KLF12: variants seen among roughly 807,000 people sequenced by gnomAD.
KLF12 encodes the protein Krueppel-like factor 12.
In KLF12, 9 loss-of-function variants were observed where a neutral mutation model predicts 37.8. The ratio of observed to expected loss-of-function variants is 0.24; its 90% CI spans 0.14 to 0.42. The LOEUF (loss-of-function observed/expected upper bound fraction) is 0.42, where lower values mean the gene tolerates loss of function less well. Ranked by LOEUF, KLF12 falls within the 10% of genes least tolerant of loss-of-function variation. The probability of loss-of-function intolerance (pLI) is 1.00; values close to 1 mark genes in which losing one functional copy is unlikely to be tolerated. For synonymous variants in KLF12, 208 were observed against 202.1 expected, an observed-to-expected ratio of 1.03 and a Z score of -0.25; for missense variants, 411 against 516.0, an observed-to-expected ratio of 0.80 and a Z score of 1.97.
chr13:74,125,155 AT>A (rs201711790), intron 1 of KLF12, among the ~76,000 whole-genome samples: 52 of 140,254 alleles, frequency 3.7e-4, no homozygotes, highest in African/African-American at 7.1e-4. Context: ...AAAAAAAAAA[AT>A]ATATATATAT....
At chr13:74,062,361 A>T (rs1343992703) in intron 1 of KLF12, among the ~76,000 whole-genome samples, 2 of 152,172 alleles carry the variant, frequency 1.3e-5, no homozygotes, top group African/African-American at 4.8e-5. Context: ...CTCTAAAGGG[A>T]TGAAGCTGTG....
chr13:74,240,678 C>T, the KLF12 span, among the ~76,000 whole-genome samples: 2 of 116,024 alleles, frequency 1.7e-5, no homozygotes, highest in South Asian at 3.4e-4. Flanking sequence ...TCCCTTCTCG[C>T]TTCATTTCAT....
chr13:74,251,098 C>T, the KLF12 span, among the ~76,000 whole-genome samples: 14 of 152,090 alleles, frequency 9.2e-5, no homozygotes, highest in Admixed American at 8.5e-4. Flanking sequence ...CTGAGTAAAT[C>T]ACCCAGCTAT....
chr13:74,075,982 G>C (rs1874538471), intron 1 of KLF12, among the ~76,000 whole-genome samples: 1 of 152,098 alleles, frequency 6.6e-6, no homozygotes, highest in Non-Finnish European at 1.5e-5. Flanking sequence ...AAGCAGCTCT[G>C]CTCTTTACAG....
At chr13:73,744,619 C>T (rs914763884) in intron 6 of KLF12, among the ~76,000 whole-genome samples, 4 of 151,932 alleles carry the variant, frequency 2.6e-5, no homozygotes, top group African/African-American at 9.7e-5. Context: ...CCAGAAAAAG[C>T]AACACAGGAG....
At chr13:74,177,690 C>G in the KLF12 span, among the ~76,000 whole-genome samples, 1 of 151,974 alleles carries the variant, frequency 6.6e-6, no homozygotes. Flanking sequence ...TAATCAGAAG[C>G]CTTTGTACGA....
the KLF12 span, among the ~76,000 whole-genome samples, chr13:74,286,767 T>A: frequency 3.0e-4 from 45 of 152,332 alleles, no homozygotes; most frequent in African/African-American, 1.0e-3. Context: ...GAGATCTTCA[T>A]CATCATAATA....
At chr13:73,934,950 A>ATTAATTAT (rs376766080) in intron 3 of KLF12, among the ~76,000 whole-genome samples, 68 of 139,588 alleles carry the variant, frequency 4.9e-4, no homozygotes, top group Non-Finnish European at 9.4e-4. Flanking sequence ...ATAGGTTTTT[A>ATTAATTAT]TTATTTATTT....
At chr13:74,111,641 C>G (rs1213759417) in intron 1 of KLF12, among the ~76,000 whole-genome samples, 1 of 152,018 alleles carries the variant, frequency 6.6e-6, no homozygotes, top group African/African-American at 2.4e-5. Context: ...AATCATTCAC[C>G]CTAAAGAACA....
intron 4 of KLF12, 142 bp from the exon 5 acceptor site, chr13:73,813,429 C>T (rs911562156): frequency 2.2e-6 from 2 of 908,780 alleles, no homozygotes; most frequent in African/African-American, 1.7e-5. Flanking sequence ...GTGAAAGCTC[C>T]AGGTTTTATG....
At chr13:74,302,337 A>G in the KLF12 span, among the ~76,000 whole-genome samples, 12 of 152,200 alleles carry the variant, frequency 7.9e-5, no homozygotes, top group African/African-American at 2.9e-4. Flanking sequence ...ACTTACAAAA[A>G]TAATGGATAA....
chr13:74,246,888 G>A, the KLF12 span, among the ~76,000 whole-genome samples: 3 of 152,218 alleles, frequency 2.0e-5, no homozygotes, highest in African/African-American at 7.2e-5. Context: ...GGGAGGGTCA[G>A]AGGAGTTAAT....
chr13:74,192,986 T>G, the KLF12 span, among the ~76,000 whole-genome samples: 2 of 150,810 alleles, frequency 1.3e-5, no homozygotes, highest in Non-Finnish European at 1.5e-5. Flanking sequence ...TCTGTTTTTT[T>G]TTTTTTTTTT....
chr13:73,726,574 T>TCA (rs1271078248), intron 6 of KLF12, among the ~76,000 whole-genome samples: 3 of 152,236 alleles, frequency 2.0e-5, no homozygotes, highest in Non-Finnish European at 2.9e-5. Flanking sequence ...CATAAAGTCA[T>TCA]CAGGGCTCAT....
At chr13:74,198,520 A>G in the KLF12 span, among the ~76,000 whole-genome samples, 2 of 152,276 alleles carry the variant, frequency 1.3e-5, no homozygotes, top group African/African-American at 4.8e-5. Context: ...TAAGTTCTGA[A>G]GGGGAAAAAT....
chr13:73,709,258 T>C (rs940984755), intron 7 of KLF12, among the ~76,000 whole-genome samples: 3 of 152,158 alleles, frequency 2.0e-5, no homozygotes. Flanking sequence ...ATCAGGTACT[T>C]ATATGGTACA....
chr13:74,157,527 C>A, the KLF12 span, among the ~76,000 whole-genome samples: 618 of 152,300 alleles, frequency 4.1e-3, 6 homozygotes, highest in African/African-American at 0.014. Context: ...ACCCTAAGAG[C>A]AGCAGCTCTT....
rs199804537 is a variant in KLF12 at position 73,769,973 on chromosome 13, TTC to T, written c.807-4975_807-4974del. Reference sequence around the variant, plus strand: ...TAAGAAATTATTATGTACAAATACGTTCTTTTTCTAAAACCATTTAGGTTATA... The same window carrying T: ...TAAGAAATTATTATGTACAAATACGTTTTTTCTAAAACCATTTAGGTTATA... On this transcript the variant is annotated intron_variant, in intron 5 of 7. Coordinates refer to ENST00000377669, the MANE Select transcript of KLF12 (RefSeq NM_007249.5). Among the ~76,000 whole-genome samples, 13 of 152,334 alleles carry T rather than the reference TTC, an allele frequency of 8.5e-5. No individual in the cohort carries two copies. In the East Asian group the frequency reaches 1.2e-3, roughly 14 times the overall value.
intron 1 of KLF12, among the ~76,000 whole-genome samples, chr13:74,096,752 A>T (rs1045421037): frequency 6.6e-6 from 1 of 152,200 alleles, no homozygotes; most frequent in Non-Finnish European, 1.5e-5. Flanking sequence ...TGAATATCAC[A>T]ATGAAATGAG....
Sources: gnomAD v4.1 joint callset for allele counts (sites outside exome capture counted in the v4.1 genomes callset) on GRCh38, gnomAD v4.1.1 for gene constraint, MANE v1.5 for transcripts, NCBI Gene and HGNC (gene_info 2026-07-23, HGNC 2026-07-21) for gene names.